Variants in LRMDA observed in about 807,000 individuals in gnomAD.
LRMDA encodes leucine rich melanocyte differentiation associated.
A neutral mutation model predicts 29.8 loss-of-function variants in LRMDA; 18 were observed. That is an observed-to-expected ratio of 0.60 (90% CI 0.42 to 0.90). LRMDA has a LOEUF of 0.90. Among genes scored for constraint, LRMDA ranks in the 40% least tolerant of loss-of-function variants. LRMDA has a pLI of 0.00. For missense variants in LRMDA, 273 were observed against 273.9 expected, an observed-to-expected ratio of 1.00 and a Z score of 0.02; for synonymous variants, 125 against 109.4, an observed-to-expected ratio of 1.14 and a Z score of -0.89.
At chr10:76,073,087 A>G (rs373374803) in intron 5 of LRMDA, among the ~76,000 whole-genome samples, 1 of 152,342 alleles carries the variant, frequency 6.6e-6, no homozygotes, top group African/African-American at 2.4e-5. Flanking sequence ...GAAGTTGTAC[A>G]TTATATTTGA....
intron 5 of LRMDA, among the ~76,000 whole-genome samples, chr10:76,146,985 CT>C (rs1239663076): frequency 1.2e-4 from 19 of 152,246 alleles, no homozygotes; most frequent in African/African-American, 4.6e-4. Flanking sequence ...GTTGAAAATT[CT>C]TTTCTTAAGA....
chr10:75,606,164 G>C (rs188006302), intron 2 of LRMDA, among the ~76,000 whole-genome samples: 1 of 150,860 alleles, frequency 6.6e-6, no homozygotes, highest in African/African-American at 2.5e-5. Flanking sequence ...GGCCAACCCT[G>C]TTTTCTAATG....
At chr10:76,505,393 G>C (rs1283012700) in intron 6 of LRMDA, among the ~76,000 whole-genome samples, 1 of 151,918 alleles carries the variant, frequency 6.6e-6, no homozygotes, top group Non-Finnish European at 1.5e-5. Flanking sequence ...TAATAATAAT[G>C]TCAATGACTT....
intron 2 of LRMDA, among the ~76,000 whole-genome samples, chr10:76,023,510 A>T (rs1395268445): frequency 1.3e-5 from 2 of 152,222 alleles, no homozygotes; most frequent in Non-Finnish European, 2.9e-5. Flanking sequence ...GGAACAATTA[A>T]GGCAATGATA....
chr10:76,058,857 A>G, intron 5 of LRMDA, 74 bp downstream of exon 5: 1 of 1,148,622 alleles, frequency 8.7e-7, no homozygotes. Context: ...GGGCATGCAG[A>G]ATGTCCTCTG....
intron 2 of LRMDA, among the ~76,000 whole-genome samples, chr10:75,556,398 T>C (rs1377486102): frequency 6.6e-6 from 1 of 152,150 alleles, no homozygotes; most frequent in African/African-American, 2.4e-5. Context: ...AATCTAGAAT[T>C]CTCTATCCAG....
intron 2 of LRMDA, among the ~76,000 whole-genome samples, chr10:75,914,859 A>G (rs971599479): frequency 3.9e-5 from 6 of 152,238 alleles, no homozygotes; most frequent in Admixed American, 1.3e-4. Flanking sequence ...ACAGGGCAAC[A>G]TGACCTCTTG....
At chr10:76,177,111 G>A (rs1850950965) in intron 5 of LRMDA, among the ~76,000 whole-genome samples, 1 of 152,128 alleles carries the variant, frequency 6.6e-6, no homozygotes, top group South Asian at 2.1e-4. Context: ...TTAGGAACAG[G>A]GCTGCGTATC....
chr10:76,213,277 T>C (rs532615721), intron 5 of LRMDA, among the ~76,000 whole-genome samples: 2 of 152,208 alleles, frequency 1.3e-5, no homozygotes, highest in Non-Finnish European at 2.9e-5. Context: ...TATATGAGAT[T>C]GGGGGGTGTA....
chr10:75,570,720 CATGGTAACAGAT>C (rs1217163330), intron 2 of LRMDA, among the ~76,000 whole-genome samples: 1 of 152,134 alleles, frequency 6.6e-6, no homozygotes, highest in African/African-American at 2.4e-5. Flanking sequence ...CCCAGGGCAG[CATGGTAACAGAT>C]ATTTAAAAGG....
At position 75,882,949 on chromosome 10, in the gene LRMDA, C is replaced by T. The variant is rs563347062; in HGVS notation, c.132-153059C>T. ...TTGTTAAGTTTTTATGGACCAAGGC[C>T]GCACTTTCATTAAGCGTAATTTACA... On this transcript the variant is annotated intron_variant, in intron 2 of 6. Transcript: ENST00000611255. Among the ~76,000 whole-genome samples, 9 of 152,272 alleles carry T rather than the reference C, an allele frequency of 5.9e-5. No homozygotes were observed. In the South Asian group the frequency reaches 1.7e-3, roughly 28 times the overall value.
intron 2 of LRMDA, among the ~76,000 whole-genome samples, chr10:75,800,877 G>C (rs1474615721): frequency 6.6e-6 from 1 of 152,164 alleles, no homozygotes; most frequent in Non-Finnish European, 1.5e-5. Context: ...TAAGACTTCT[G>C]TTCTAGATTA....
chr10:76,120,499 G>A (rs1485645752), intron 5 of LRMDA, among the ~76,000 whole-genome samples: 1 of 152,056 alleles, frequency 6.6e-6, no homozygotes, highest in Non-Finnish European at 1.5e-5. Context: ...AGTATGTGTT[G>A]ATTTTTAATT....
intron 5 of LRMDA, among the ~76,000 whole-genome samples, chr10:76,105,290 T>C (rs1211711222): frequency 6.6e-6 from 1 of 152,150 alleles, no homozygotes; most frequent in Non-Finnish European, 1.5e-5. Context: ...TACCGTTTTT[T>C]TCCATGGGTA....
chr10:75,657,851 T>C (rs1422804518), intron 2 of LRMDA, among the ~76,000 whole-genome samples: 1 of 152,098 alleles, frequency 6.6e-6, no homozygotes, highest in Middle Eastern at 3.2e-3. Context: ...GATGTGTGGA[T>C]TTCTTTTTCT....
chr10:75,970,558 G>T (rs1846948877), intron 2 of LRMDA, among the ~76,000 whole-genome samples: 1 of 152,206 alleles, frequency 6.6e-6, no homozygotes, highest in African/African-American at 2.4e-5. Flanking sequence ...GCATCATGGT[G>T]CTTTCTAGCT....
intron 2 of LRMDA, among the ~76,000 whole-genome samples, chr10:75,860,604 G>A (rs1844911738): frequency 6.6e-6 from 1 of 152,114 alleles, no homozygotes; most frequent in Non-Finnish European, 1.5e-5. Context: ...TTACAAGCAT[G>A]AGCCACCACA....
At chr10:76,425,569 A>G (rs1589179166) in intron 6 of LRMDA, among the ~76,000 whole-genome samples, 1 of 151,246 alleles carries the variant, frequency 6.6e-6, no homozygotes, top group African/African-American at 2.4e-5. Flanking sequence ...ACTTACTAAT[A>G]ATAATTATTA....
chr10:76,478,893 G>A (rs1277254388), intron 6 of LRMDA, among the ~76,000 whole-genome samples: 1 of 147,910 alleles, frequency 6.8e-6, no homozygotes, highest in Non-Finnish European at 1.5e-5. Flanking sequence ...ACCAAGGCCT[G>A]TTGTGGGGTG....
Sources: gnomAD v4.1 joint callset for allele counts (sites outside exome capture counted in the v4.1 genomes callset) on GRCh38, gnomAD v4.1.1 for gene constraint, MANE v1.5 for transcripts, NCBI Gene and HGNC (gene_info 2026-07-23, HGNC 2026-07-21) for gene names.